Variants in PTPN11 observed in about 807,000 individuals in gnomAD.
PTPN11 encodes the protein protein tyrosine phosphatase non-receptor type 11, also known as tyrosine-protein phosphatase non-receptor type 11.
Under a neutral mutation model 78.8 loss-of-function variants are expected in PTPN11, and 6 were observed. The observed-to-expected ratio is 0.08, with a 90% confidence interval of 0.04 to 0.15. The LOEUF (loss-of-function observed/expected upper bound fraction) is 0.15, where lower values mean the gene tolerates loss of function less well. Among genes scored for constraint, PTPN11 ranks in the 10% least tolerant of loss-of-function variants. The pLI, the probability that PTPN11 is intolerant of heterozygous loss-of-function variation, is 1.00. For synonymous variants in PTPN11, 221 were observed against 263.5 expected (o/e 0.84, Z 1.56); for missense variants, 386 against 744.8 (o/e 0.52, Z 5.61).
At chr12:112,469,484 A>T (rs1360866579) in intron 6 of PTPN11, among the ~76,000 whole-genome samples, 2 of 151,998 alleles carry the variant, frequency 1.3e-5, no homozygotes, top group South Asian at 2.1e-4. Flanking sequence ...AAAAATTTTT[A>T]AAATTTGTGC....
chr12:112,420,490 C>T (rs144698980), intron 1 of PTPN11, among the ~76,000 whole-genome samples: 15 of 152,128 alleles, frequency 9.9e-5, no homozygotes, highest in African/African-American at 2.6e-4. Context: ...GGACTACAGG[C>T]GCACCACTAT....
intron 1 of PTPN11, among the ~76,000 whole-genome samples, chr12:112,424,167 C>T (rs2037569088): frequency 6.6e-6 from 1 of 152,150 alleles, no homozygotes; most frequent in Admixed American, 6.6e-5. Context: ...AACTCTGTGC[C>T]AGGTACCGTG....
intron 6 of PTPN11, among the ~76,000 whole-genome samples, chr12:112,464,043 A>G (rs1275466991): frequency 2.6e-5 from 4 of 152,222 alleles, no homozygotes; most frequent in African/African-American, 9.6e-5. Flanking sequence ...TAGTGATTGT[A>G]CCTTAGTTGT....
intron 1 of PTPN11, among the ~76,000 whole-genome samples, chr12:112,428,396 C>CTTTTT (rs11312766): frequency 8.3e-5 from 7 of 84,456 alleles, no homozygotes; most frequent in East Asian, 4.6e-4. Flanking sequence ...TGTGTGTTGT[C>CTTTTT]TTTTTTTTTT....
At chr12:112,454,818 CTTT>C (rs753974743) in intron 5 of PTPN11, 138 bp downstream of exon 5, 2,688 of 465,694 alleles carry the variant, frequency 5.8e-3, no homozygotes, top group East Asian at 0.012. Context: ...ACTATCAAAT[CTTT>C]TTTTTTTTTT....
chr12:112,454,008 ATATTAGTATAGTTACTG>A (rs1401633303), intron 4 of PTPN11, among the ~76,000 whole-genome samples: 2 of 152,090 alleles, frequency 1.3e-5, no homozygotes, highest in Admixed American at 6.6e-5. Flanking sequence ...TATACTTAAT[ATATTAGTATAGTTACTG>A]TATTAGTATA....
At chr12:112,458,999 C>T (rs1250502009) in intron 6 of PTPN11, among the ~76,000 whole-genome samples, 2 of 151,094 alleles carry the variant, frequency 1.3e-5, no homozygotes, top group African/African-American at 4.9e-5. Context: ...CGTCACTGCT[C>T]TCCAGCCTGA....
rs1015260760 is a variant in PTPN11 at position 112,450,530 on chromosome 12, G to T, written c.332+18G>T. On this transcript the variant is annotated intron_variant, in intron 3 of 15. Transcript: ENST00000351677. ...TCTGAAAGGTCAGTAACATTTTAGT[G>T]ACCACAAAGTCTGCTGCTCCCTTGT... The T allele has an allele frequency of 7.5e-6, 12 of 1,609,550 alleles. No homozygotes were observed. The African/African-American group carries it at 1.2e-4, about 16-fold the overall frequency.
intron 1 of PTPN11, among the ~76,000 whole-genome samples, chr12:112,432,371 TAAG>T (rs1490766310): frequency 1.3e-5 from 2 of 152,076 alleles, no homozygotes; most frequent in Non-Finnish European, 2.9e-5. Context: ...GGTGGTCCCA[TAAG>T]AATATAATGG....
intron 1 of PTPN11, among the ~76,000 whole-genome samples, chr12:112,440,290 T>C (rs1410514811): frequency 2.0e-5 from 3 of 152,214 alleles, no homozygotes; most frequent in Non-Finnish European, 2.9e-5. Context: ...TCCTTTTTTT[T>C]TGAGACGGAA....
chr12:112,462,790 A>G (rs2038267817), intron 6 of PTPN11, among the ~76,000 whole-genome samples: 1 of 152,136 alleles, frequency 6.6e-6, no homozygotes, highest in African/African-American at 2.4e-5. Context: ...ATAGTAATCC[A>G]CTGTGTACTT....
intron 13 of PTPN11, among the ~76,000 whole-genome samples, chr12:112,489,941 C>T (rs1592855303): frequency 6.6e-6 from 1 of 152,146 alleles, no homozygotes. Context: ...GATTTCTAGC[C>T]TAGCAGAACA....
Position 112,434,469 on chromosome 12 carries a change from A to G in PTPN11, c.15-11807A>G, listed in dbSNP as rs537702056. On this transcript the variant is annotated intron_variant, in intron 1 of 15. Coordinates refer to ENST00000351677, the MANE Select transcript of PTPN11 (RefSeq NM_002834.5). ...CTAAAAATACAAAAATTAGCTGGGCATGGTGGCGTGCACCTGTAGTCTCTG... is the reference window on the plus strand; with the variant it reads ...CTAAAAATACAAAAATTAGCTGGGCGTGGTGGCGTGCACCTGTAGTCTCTG... Among the ~76,000 whole-genome samples the G allele has an allele frequency of 2.0e-5, 3 of 152,008 alleles. No homozygotes were observed. The South Asian group carries it at 6.2e-4, about 32-fold the overall frequency.
At chr12:112,493,755 T>C (rs894005128) in intron 13 of PTPN11, among the ~76,000 whole-genome samples, 1 of 152,218 alleles carries the variant, frequency 6.6e-6, no homozygotes, top group Non-Finnish European at 1.5e-5. Context: ...ATTCATCTTA[T>C]GTAACTTCAA....
chr12:112,502,211 A>G lies in PTPN11; in HGVS notation c.1667A>G (p.Asp556Gly). Residue 556 changes from aspartate to glycine, a missense_variant, in exon 14 of 16, where the codon GAT (aspartate) becomes GGT (glycine). Physicochemically the swap from Asp to Gly is moderately conservative, Grantham distance 94. Coordinates refer to ENST00000351677, the MANE Select transcript of PTPN11 (RefSeq NM_002834.5). ...TCTCTAGCGGACCAGACGAGTGGAG[A>G]TCAGAGCCCTCTCCCGCCTTGTACT... ...KYSLADQTSG[D>G]QSPLPPCTPT... 6.2e-7 allele frequency: 1 copy of G among 1,613,956 alleles called. No homozygotes were observed. Among genetic ancestry groups the G allele is most frequent in the Non-Finnish European group, 8.5e-7 (1 of 1,179,850 alleles).
intron 11 of PTPN11, among the ~76,000 whole-genome samples, chr12:112,487,131 C>G (rs544109883): frequency 6.9e-6 from 1 of 145,926 alleles, no homozygotes; most frequent in South Asian, 2.1e-4. Flanking sequence ...CTCTCTCTCT[C>G]TCTTTTTTTT....
At chr12:112,466,291 T>G (rs1352219752) in intron 6 of PTPN11, among the ~76,000 whole-genome samples, 1 of 152,154 alleles carries the variant, frequency 6.6e-6, no homozygotes, top group Non-Finnish European at 1.5e-5. Flanking sequence ...AGGGAGAACA[T>G]TCTAGGTAGA....
intron 1 of PTPN11, among the ~76,000 whole-genome samples, chr12:112,437,195 G>A (rs2037806004): frequency 6.6e-6 from 1 of 152,010 alleles, no homozygotes; most frequent in Non-Finnish European, 1.5e-5. Flanking sequence ...GTGTCACTCA[G>A]GCTGGAGTGC....
At chr12:112,500,465 A>G (rs2038861700) in intron 13 of PTPN11, among the ~76,000 whole-genome samples, 1 of 152,088 alleles carries the variant, frequency 6.6e-6, no homozygotes, top group Non-Finnish European at 1.5e-5. Context: ...ACCAAACAAA[A>G]TATTTTTGCT....
Sources: gnomAD v4.1 joint callset for allele counts (sites outside exome capture counted in the v4.1 genomes callset) on GRCh38, gnomAD v4.1.1 for gene constraint, MANE v1.5 for transcripts, NCBI Gene and HGNC (gene_info 2026-07-23, HGNC 2026-07-21) for gene names.